The following KIAA0319L variants were observed in gnomAD, a reference collection of about 807,000 sequenced individuals.
KIAA0319L encodes the protein KIAA0319 like, also known as dyslexia-associated protein KIAA0319-like protein.
A neutral mutation model predicts 120.1 loss-of-function variants in KIAA0319L; 55 were observed. The ratio of observed to expected loss-of-function variants is 0.46; its 90% CI spans 0.37 to 0.57. The LOEUF (loss-of-function observed/expected upper bound fraction) is 0.57. KIAA0319L is among the 20% of genes least tolerant of loss of function. The pLI is 0.00. For missense variants in KIAA0319L, 1,049 were observed against 1,255.3 expected (o/e 0.84, Z 2.48); for synonymous variants, 398 against 471.9 (o/e 0.84, Z 2.03).
rs139831534 is a variant in KIAA0319L, at chr1:35,506,969, C to T, written c.309G>A (p.Gly103=). 32 of 1,613,386 alleles carry T rather than the reference C, an allele frequency of 2.0e-5. No individual in the cohort carries two copies. Among genetic ancestry groups the T allele is most frequent in the Non-Finnish European group, 2.5e-5 (30 of 1,179,708 alleles). ...TGCTGCAGTCTGCCTGAATGCACATCCCTTCTAGCCACCAAAAGACATGGC... is the reference window on the plus strand; with the variant it reads ...TGCTGCAGTCTGCCTGAATGCACATTCCTTCTAGCCACCAAAAGACATGGC... The part of the protein sequence containing the change: ...SACHVFWWLE[G]MCIQADCSRP... The change falls in exon 3 of 21, where the codon GGG becomes GGA. Residue 103 remains glycine, a synonymous_variant. Coordinates refer to ENST00000325722, the MANE Select transcript of KIAA0319L (RefSeq NM_024874.5). The surrounding 1 kb of genome is among the most constrained non-coding windows in gnomAD (Gnocchi z 4.0).
chr1:35,545,524 G>A (rs1646949310), intron 2 of KIAA0319L, among the ~76,000 whole-genome samples: 1 of 152,206 alleles, frequency 6.6e-6, no homozygotes, highest in Non-Finnish European at 1.5e-5. Flanking sequence ...AATACATCAG[G>A]CAGAATGGTA....
At chr1:35,471,083 C>T in intron 5 of KIAA0319L, 123 bp from the exon 6 acceptor site, 1 of 680,504 alleles carries the variant, frequency 1.5e-6, no homozygotes, top group Non-Finnish European at 2.7e-6. Flanking sequence ...TAAGATTTCA[C>T]CCCAAAGCCT....
Position 35,435,007 on chromosome 1 carries a change from T to G in KIAA0319L, c.3037A>C (p.Ile1013Leu). 6.2e-7 allele frequency: 1 copy of G among 1,614,198 alleles called. No homozygotes were observed. The highest frequency in any genetic ancestry group is 8.5e-7 in the Non-Finnish European group (1 of 1,180,036). ...SESELDSDDA[I>L]FTWPDREKGK... ...TTCTCTCGGTCTGGCCATGTAAAGA[T>G]GGCATCATCGCTGTCCAGCTCTGAC... Residue 1013 changes from isoleucine to leucine, a missense_variant, in exon 21 of 21, where the codon ATC becomes CTC. By Grantham distance (5) the Ile-to-Leu change is conservative. Coordinates refer to ENST00000325722, the MANE Select transcript of KIAA0319L (RefSeq NM_024874.5).
chr1:35,453,700 A>C lies in KIAA0319L; in HGVS notation c.1781-11T>G. 1.2e-6 allele frequency: 2 copies of C among 1,611,982 alleles called. No homozygotes were observed. The highest frequency in any genetic ancestry group is 1.7e-6 in the Non-Finnish European group (2 of 1,178,858). On this transcript the variant is annotated splice_polypyrimidine_tract_variant and intron_variant, in intron 11 of 20. Coordinates refer to ENST00000325722, the MANE Select transcript of KIAA0319L (RefSeq NM_024874.5). This position sits in a 1 kb window ranked among gnomAD's most constrained non-coding sequence, Gnocchi z 4.1. ...GAGGCTTATTGTTTTCTGGAAGACA[A>C]AGAGTTAGAGGTCAAAAGCAGCCAG...
intron 3 of KIAA0319L, among the ~76,000 whole-genome samples, chr1:35,490,521 G>GA (rs894181846): frequency 2.6e-5 from 4 of 151,292 alleles, no homozygotes; most frequent in Admixed American, 6.6e-5. Flanking sequence ...ACTATAATGA[G>GA]AAAAAAAATG....
At chr1:35,493,831 T>A (rs1261385022) in intron 3 of KIAA0319L, among the ~76,000 whole-genome samples, 1 of 151,784 alleles carries the variant, frequency 6.6e-6, no homozygotes, top group East Asian at 1.9e-4. Flanking sequence ...GGTGACAAAG[T>A]GAGACCCTAT....
At position 35,478,991 on chromosome 1, in the gene KIAA0319L, G is replaced by C; in HGVS notation, c.888C>G (p.Phe296Leu). The part of the protein sequence containing the change: ...SYATPTPQAS[F>L]QSTSAPYPVI... ...CTGGGTATGGTGCTGAGGTGCTCTG[G>C]AAAGAGGCCTGGGGGGTAGGGGTAG... Residue 296 changes from phenylalanine to leucine, a missense_variant, in exon 4 of 21, where the codon TTC (phenylalanine) becomes TTG (leucine). Physicochemically the swap from Phe to Leu is conservative, Grantham distance 22. Coordinates refer to ENST00000325722, the MANE Select transcript of KIAA0319L (RefSeq NM_024874.5). The C allele has an allele frequency of 6.2e-7, 1 of 1,614,114 alleles. No homozygotes were observed. The highest frequency in any genetic ancestry group is 8.5e-7 in the Non-Finnish European group (1 of 1,179,998).
chr1:35,441,869 G>A (rs766869505), intron 19 of KIAA0319L, among the ~76,000 whole-genome samples: 4 of 152,116 alleles, frequency 2.6e-5, no homozygotes, highest in African/African-American at 4.8e-5. Context: ...AAAGAAGGCA[G>A]AATTAAAAAC....
At chr1:35,462,474 C>G (rs1236828196) in intron 8 of KIAA0319L, 147 bp downstream of exon 8, 1 of 593,774 alleles carries the variant, frequency 1.7e-6, no homozygotes, top group African/African-American at 1.9e-5. Context: ...TCAGTTGCTT[C>G]AGATGGTTGG....
intron 18 of KIAA0319L, 61 bp downstream of exon 18, chr1:35,442,845 C>T: frequency 2.5e-6 from 4 of 1,606,924 alleles, no homozygotes; most frequent in Non-Finnish European, 2.6e-6. Flanking sequence ...CACCCACCCA[C>T]TCAGTGCAGA....
chr1:35,454,529 C>G (rs780502094), intron 10 of KIAA0319L, 44 bp from the exon 11 acceptor site: 1 of 1,606,870 alleles, frequency 6.2e-7, no homozygotes, highest in Non-Finnish European at 8.5e-7. Context: ...CTCCAGGAAT[C>G]ACATCACACA....
At chr1:35,491,081 G>A (rs575529490) in intron 3 of KIAA0319L, among the ~76,000 whole-genome samples, 1 of 152,262 alleles carries the variant, frequency 6.6e-6, no homozygotes, top group Non-Finnish European at 1.5e-5. Context: ...ATAGCAATGT[G>A]AGAACAGACT....
intron 2 of KIAA0319L, among the ~76,000 whole-genome samples, chr1:35,537,370 TTTTCC>T (rs1432086359): frequency 4.0e-5 from 6 of 150,622 alleles, no homozygotes; most frequent in Non-Finnish European, 8.8e-5. Context: ...TTGGGAAGGT[TTTTCC>T]TTTCCTTTCC....
chr1:35,503,632 C>T (rs1645090806), intron 3 of KIAA0319L, among the ~76,000 whole-genome samples: 1 of 152,062 alleles, frequency 6.6e-6, no homozygotes, highest in Non-Finnish European at 1.5e-5. Context: ...CTTTAATCTC[C>T]TTTTTTAGTA....
chr1:35,470,823 C>T (rs775143581), intron 6 of KIAA0319L, 40 bp downstream of exon 6: 4 of 1,206,010 alleles, frequency 3.3e-6, no homozygotes, highest in Non-Finnish European at 5.0e-6. Context: ...ACAGTCAACT[C>T]CTCTACCTTT....
intron 2 of KIAA0319L, among the ~76,000 whole-genome samples, chr1:35,543,191 T>C (rs927223222): frequency 1.3e-5 from 2 of 152,234 alleles, no homozygotes; most frequent in Admixed American, 1.3e-4. Context: ...CAAGACACCA[T>C]AGACTTGCTC....
intron 20 of KIAA0319L, among the ~76,000 whole-genome samples, chr1:35,436,433 CAGA>C (rs1640797208): frequency 6.6e-6 from 1 of 152,176 alleles, no homozygotes; most frequent in Non-Finnish European, 1.5e-5. Flanking sequence ...AGCAGGGCCA[CAGA>C]AGAACACTGA....
intron 10 of KIAA0319L, among the ~76,000 whole-genome samples, 193 bp downstream of exon 10, chr1:35,455,820 C>T (rs1642407943): frequency 6.6e-6 from 1 of 151,934 alleles, no homozygotes; most frequent in African/African-American, 2.4e-5. Context: ...ACCTCATGAT[C>T]CGCCCGCCTC....
intron 13 of KIAA0319L, among the ~76,000 whole-genome samples, 166 bp downstream of exon 13, chr1:35,451,462 C>A (rs1642057057): frequency 6.6e-6 from 1 of 151,940 alleles, no homozygotes. Context: ...CCTTACAGTC[C>A]AATTAAAGGC....
Sources: gnomAD v4.1 joint callset for allele counts (sites outside exome capture counted in the v4.1 genomes callset) on GRCh38, gnomAD v4.1.1 for gene constraint, Gnocchi (gnomAD v3.1) non-coding constraint, MANE v1.5 for transcripts, NCBI Gene and HGNC (gene_info 2026-07-23, HGNC 2026-07-21) for gene names.